Variants in HIP1 observed in about 807,000 individuals in gnomAD.
The protein encoded by HIP1 is huntingtin interacting protein 1, also known as huntingtin-interacting protein 1.
HIP1 carries 65 observed loss-of-function variants against 147.6 expected under a neutral mutation model. The ratio of observed to expected loss-of-function variants is 0.44; its 90% CI spans 0.36 to 0.54. The LOEUF is 0.54. Ranked by LOEUF, HIP1 falls within the 20% of genes least tolerant of loss-of-function variation. The pLI, the probability that HIP1 is intolerant of heterozygous loss-of-function variation, is 0.00. For missense variants in HIP1, 1,061 were observed against 1,299.6 expected, an observed-to-expected ratio of 0.82 and a Z score of 2.82; for synonymous variants, 479 against 504.0, an observed-to-expected ratio of 0.95 and a Z score of 0.67.
At chr7:75,595,251 T>TTCCTTCCTTCCTTCCTTCCTTC (rs1796675604) in intron 2 of HIP1, among the ~76,000 whole-genome samples, 5 of 59,538 alleles carry the variant, frequency 8.4e-5, no homozygotes, top group Non-Finnish European at 9.3e-5. Flanking sequence ...TTTCTTTCTT[T>TTCCTTCCTTCCTTCCTTCCTTC]CTTCCTTCCT....
intron 1 of HIP1, among the ~76,000 whole-genome samples, chr7:75,683,019 G>A (rs2117275753): frequency 6.6e-6 from 1 of 151,786 alleles, no homozygotes; most frequent in South Asian, 2.1e-4. Flanking sequence ...GTCTCGCTCT[G>A]TCGCCCAGGC....
intron 9 of HIP1, among the ~76,000 whole-genome samples, chr7:75,565,437 T>G: frequency 6.6e-6 from 1 of 152,198 alleles, no homozygotes; most frequent in East Asian, 1.9e-4. Flanking sequence ...GCCTGTCTCC[T>G]TGGACTAAAG....
chr7:75,670,579 C>T (rs1799702207), intron 1 of HIP1, among the ~76,000 whole-genome samples: 1 of 151,834 alleles, frequency 6.6e-6, no homozygotes, highest in African/African-American at 2.4e-5. Context: ...AACATAATTC[C>T]CCATTCTCCC....
chr7:75,602,215 G>T (rs1023463193), intron 1 of HIP1, among the ~76,000 whole-genome samples: 3 of 150,362 alleles, frequency 2.0e-5, no homozygotes, highest in African/African-American at 7.3e-5. Flanking sequence ...TGACCATCCT[G>T]GTCTCGAACT....
At chr7:75,651,506 ACTG>A (rs1798987088) in intron 1 of HIP1, among the ~76,000 whole-genome samples, 2 of 146,866 alleles carry the variant, frequency 1.4e-5, no homozygotes. Context: ...GATTCTCCAC[ACTG>A]TAAAAACATC....
chr7:75,629,320 G>A (rs1374204204), intron 1 of HIP1, among the ~76,000 whole-genome samples: 1 of 152,058 alleles, frequency 6.6e-6, no homozygotes, highest in Non-Finnish European at 1.5e-5. Context: ...AGACTTGCTG[G>A]TTATTTTTAA....
At position 75,562,147 on chromosome 7, in the gene HIP1, A is replaced by T; in HGVS notation, c.1044T>A (p.Asp348Glu). 6.2e-7 allele frequency: 1 copy of T among 1,613,554 alleles called. No homozygotes were observed. The highest frequency in any genetic ancestry group is 8.5e-7 in the Non-Finnish European group (1 of 1,179,462). The change falls in exon 12 of 31, where the codon GAT becomes GAA. Residue 348 changes from aspartate (D) to glutamate (E), a missense_variant. Around this residue, in one of 3 missense-constraint regions of HIP1, gnomAD observed 810 missense variants for 946.8 expected, o/e 0.86. Coordinates refer to ENST00000336926, the MANE Select transcript of HIP1 (RefSeq NM_005338.7). ...TGCTGAATGAACTGCCAAAGATGTC[A>T]TCAAACTTGTTGTCAAATAAATTCT... ...SQQNLFDNKF[D>E]DIFGSSFSSD...
chr7:75,547,991 G>A (rs1198044528), intron 23 of HIP1, among the ~76,000 whole-genome samples, 178 bp from the exon 24 acceptor site: 1 of 150,990 alleles, frequency 6.6e-6, no homozygotes, highest in Non-Finnish European at 1.5e-5. Flanking sequence ...AACCTATTCA[G>A]GGGGAGTGCA....
chr7:75,541,326 C>T (rs1457356648), intron 29 of HIP1, among the ~76,000 whole-genome samples: 5 of 151,926 alleles, frequency 3.3e-5, no homozygotes, highest in South Asian at 2.1e-4. Flanking sequence ...GTCAGGAGAT[C>T]GAGACCATCC....
intron 1 of HIP1, among the ~76,000 whole-genome samples, chr7:75,703,845 C>T (rs1800911608): frequency 6.6e-6 from 1 of 152,204 alleles, no homozygotes; most frequent in Non-Finnish European, 1.5e-5. Context: ...ATAAACAAAT[C>T]AGCTCTAAAG....
At chr7:75,586,150 T>C (rs1338243533) in intron 5 of HIP1, among the ~76,000 whole-genome samples, 2 of 152,040 alleles carry the variant, frequency 1.3e-5, no homozygotes, top group Non-Finnish European at 2.9e-5. Flanking sequence ...TCAATGCTTC[T>C]GTAACATTTT....
rs1227667195 is a variant in HIP1, at chr7:75,592,173, G to A, written c.328-61C>T. ...AGAAGGAAAGAAAGACAAAGGGAAG[G>A]AGGATGGAGAGAGGCGGAGGTGAAC... On this transcript the variant is annotated intron_variant, in intron 3 of 30. Coordinates refer to ENST00000336926, the MANE Select transcript of HIP1 (RefSeq NM_005338.7). 5.2e-6 allele frequency: 8 copies of A among 1,531,942 alleles called. No homozygotes were observed. In the South Asian group the frequency reaches 7.8e-5, roughly 15 times the overall value. The allele number at this position is 1,531,942 out of a possible 1,614,324, so 94.9% of individuals were successfully genotyped here.
At chr7:75,734,782 C>T (rs1801964996) in intron 1 of HIP1, among the ~76,000 whole-genome samples, 1 of 152,176 alleles carries the variant, frequency 6.6e-6, no homozygotes, top group African/African-American at 2.4e-5. Flanking sequence ...CTAGATGTCT[C>T]TTTATTTATG....
At chr7:75,657,540 A>AG (rs1480592867) in intron 1 of HIP1, among the ~76,000 whole-genome samples, 1 of 151,946 alleles carries the variant, frequency 6.6e-6, no homozygotes, top group Admixed American at 6.6e-5. Context: ...AAAAAAAAAA[A>AG]AAAGCAATTA....
chr7:75,607,606 TAGGAGGATCAC>T (rs1315382982), intron 1 of HIP1, among the ~76,000 whole-genome samples: 4 of 149,248 alleles, frequency 2.7e-5, no homozygotes, highest in East Asian at 2.0e-4. Context: ...GAGGCTGAGA[TAGGAGGATCAC>T]AGGAGGATCA....
chr7:75,615,199 C>T (rs1797610223), intron 1 of HIP1, among the ~76,000 whole-genome samples: 1 of 152,126 alleles, frequency 6.6e-6, no homozygotes, highest in South Asian at 2.1e-4. Flanking sequence ...TGCACCTGCA[C>T]ATGGCTGCCA....
At chr7:75,562,314 G>C (rs1563204704) in intron 11 of HIP1, 144 bp from the exon 12 acceptor site, 1 of 609,342 alleles carries the variant, frequency 1.6e-6, no homozygotes, top group African/African-American at 1.8e-5. Context: ...TTTTGAGACA[G>C]GTTCTCGCTC....
rs1554493713 is a variant in HIP1, at chr7:75,557,713, G to A, written c.1522C>T (p.Arg508Ter). The change falls in exon 16 of 31, where the codon CGA (arginine) becomes TGA (stop). Residue 508 changes from arginine (R) to a stop codon, truncating the protein, a stop_gained. Coordinates refer to ENST00000336926, the MANE Select transcript of HIP1 (RefSeq NM_005338.7). LOFTEE classifies it high-confidence loss of function. ...GAATCCTCCAGCTCTTTTTTCTCTC[G>A]TTCCAAATCTACCTGGGCTTGTCTG... is the stretch of plus-strand genomic sequence containing the variant. ...MARQAQVDLEREKKELEDSLE... is the reference protein window; with the variant it reads ...MARQAQVDLE The A allele has an allele frequency of 1.9e-6, 3 of 1,613,848 alleles. No homozygotes were observed. The highest frequency in any genetic ancestry group is 2.5e-6 in the Non-Finnish European group (3 of 1,179,986).
At chr7:75,720,498 A>T (rs1459175029) in intron 1 of HIP1, among the ~76,000 whole-genome samples, 2 of 152,152 alleles carry the variant, frequency 1.3e-5, no homozygotes, top group African/African-American at 2.4e-5. Flanking sequence ...AATCTCTCTG[A>T]GCCTACTCTG....
Sources: allele counts gnomAD v4.1 joint callset (sites outside exome capture counted in the v4.1 genomes callset), GRCh38; gene constraint gnomAD v4.1.1; regional missense constraint gnomAD v4.1.1; transcripts MANE v1.5; gene names NCBI Gene and HGNC (gene_info 2026-07-23, HGNC 2026-07-21).